COL11A1: variants seen among roughly 807,000 people sequenced by gnomAD.
COL11A1 encodes the protein collagen alpha-1(XI) chain.
Under a neutral mutation model 265.2 loss-of-function variants are expected in COL11A1, and 74 were observed. The observed-to-expected ratio is 0.28, with a 90% confidence interval of 0.23 to 0.34. COL11A1 has a LOEUF of 0.34. Ranked by LOEUF, COL11A1 falls within the 10% of genes least tolerant of loss-of-function variation. COL11A1 has a pLI of 1.00. For synonymous variants in COL11A1, 816 were observed against 727.6 expected (o/e 1.12, Z -1.96); for missense variants, 2,165 against 2,263.6 (o/e 0.96, Z 0.88).
chr1:103,035,684 CAGA>C (rs1195757344), intron 4 of COL11A1, among the ~76,000 whole-genome samples: 1 of 151,864 alleles, frequency 6.6e-6, no homozygotes, highest in Non-Finnish European at 1.5e-5. Context: ...TAACATAAAG[CAGA>C]AGTAGAAAAT....
rs573983365 is a variant in COL11A1 at position 102,931,927 on chromosome 1, T to C, written c.3600+2522A>G. ...CTAGGATTGCAAGCCCTGCCTTTTT[T>C]TGTTTTCCATTTGCTTGGTAGATCT... On this transcript the variant is annotated intron_variant, in intron 46 of 66. Transcript: ENST00000370096. Among the ~76,000 whole-genome samples, 96 of 151,624 alleles carry C rather than the reference T, an allele frequency of 6.3e-4. 1 individual carries two copies. Among genetic ancestry groups the C allele is most frequent in the African/African-American group, 2.3e-3 (95 of 41,262 alleles).
chr1:103,012,012 T>C (rs1388178183), intron 14 of COL11A1, among the ~76,000 whole-genome samples: 1 of 152,156 alleles, frequency 6.6e-6, no homozygotes, highest in Non-Finnish European at 1.5e-5. Context: ...TGCCCTAAGA[T>C]TGTGTCATAA....
intron 41 of COL11A1, among the ~76,000 whole-genome samples, chr1:102,949,235 G>T (rs1288456500): frequency 6.7e-6 from 1 of 150,092 alleles, no homozygotes; most frequent in Non-Finnish European, 1.5e-5. Flanking sequence ...GAGGATCAAT[G>T]TACATATAAG....
At chr1:102,920,442 C>T in intron 48 of COL11A1, 78 bp from the exon 49 acceptor site, 2 of 1,269,244 alleles carry the variant, frequency 1.6e-6, no homozygotes, top group Non-Finnish European at 2.3e-6. Context: ...TCTAGTTGTT[C>T]TCAAAAAAGA....
intron 57 of COL11A1, among the ~76,000 whole-genome samples, chr1:102,892,247 C>T (rs1651868761): frequency 6.6e-6 from 1 of 152,104 alleles, no homozygotes. Context: ...GGCTCTATGA[C>T]AGCAAATTGT....
chr1:102,993,073 A>G (rs1664292509), intron 28 of COL11A1, among the ~76,000 whole-genome samples: 2 of 152,154 alleles, frequency 1.3e-5, no homozygotes, highest in Non-Finnish European at 2.9e-5. Context: ...TCAGCAGTTA[A>G]CAACATCCCC....
intron 28 of COL11A1, among the ~76,000 whole-genome samples, chr1:102,995,004 C>T (rs1194325666): frequency 6.6e-6 from 1 of 151,994 alleles, no homozygotes; most frequent in Non-Finnish European, 1.5e-5. Flanking sequence ...TTGTTAAGAA[C>T]ACACTCACTA....
At chr1:102,951,797 T>C (rs568839740) in intron 41 of COL11A1, among the ~76,000 whole-genome samples, 6 of 152,056 alleles carry the variant, frequency 3.9e-5, no homozygotes, top group South Asian at 4.2e-4. Flanking sequence ...TGTACACACA[T>C]GTAGTCAAGA....
At chr1:103,025,727 T>C in intron 6 of COL11A1, 114 bp from the exon 7 acceptor site, 1 of 1,589,756 alleles carries the variant, frequency 6.3e-7, no homozygotes, top group Non-Finnish European at 8.6e-7. Context: ...TCTAGTTGGG[T>C]TAAGACTATG....
intron 4 of COL11A1, among the ~76,000 whole-genome samples, chr1:103,055,691 T>C (rs1670189430): frequency 6.6e-6 from 1 of 152,224 alleles, no homozygotes; most frequent in African/African-American, 2.4e-5. Context: ...GCTTTGAATG[T>C]GGCCCAAAAC....
At chr1:103,065,242 C>T (rs1238112141) in intron 4 of COL11A1, among the ~76,000 whole-genome samples, 6 of 152,056 alleles carry the variant, frequency 3.9e-5, no homozygotes, top group South Asian at 4.1e-4. Flanking sequence ...AGCAATTGGC[C>T]GGGCACGGTG....
At chr1:103,101,741 G>GAA (rs113936585) in intron 1 of COL11A1, among the ~76,000 whole-genome samples, 10 of 139,730 alleles carry the variant, frequency 7.2e-5, no homozygotes, top group Non-Finnish European at 1.4e-4. Context: ...TGCTTTTTAA[G>GAA]AAAAAAAAAA....
At chr1:102,962,986 CATAA>C (rs764867213) in intron 38 of COL11A1, among the ~76,000 whole-genome samples, 5 of 152,130 alleles carry the variant, frequency 3.3e-5, no homozygotes, top group African/African-American at 7.2e-5. Context: ...AAGGAAAGTA[CATAA>C]ATAAAGTCCA....
intron 46 of COL11A1, among the ~76,000 whole-genome samples, chr1:102,927,651 A>C (rs1656770207): frequency 7.3e-6 from 1 of 137,530 alleles, no homozygotes; most frequent in South Asian, 2.2e-4. Flanking sequence ...TCAAAAAAAC[A>C]AAAAAAAAAC....
intron 1 of COL11A1, among the ~76,000 whole-genome samples, chr1:103,107,224 G>A (rs1272412106): frequency 6.6e-6 from 1 of 151,914 alleles, no homozygotes; most frequent in Admixed American, 6.6e-5. Flanking sequence ...AATATTTGGT[G>A]GTGCCACGTA....
At chr1:102,992,089 T>C (rs1485172756) in intron 28 of COL11A1, among the ~76,000 whole-genome samples, 1 of 152,136 alleles carries the variant, frequency 6.6e-6, no homozygotes, top group East Asian at 1.9e-4. Context: ...CAGAATTTTA[T>C]TTTTAAATTA....
At chr1:103,088,035 C>T (rs1673016410) in intron 1 of COL11A1, among the ~76,000 whole-genome samples, 1 of 152,146 alleles carries the variant, frequency 6.6e-6, no homozygotes, top group Admixed American at 6.5e-5. Context: ...AACACCACCA[C>T]CCTTTCACTG....
Position 103,108,448 on chromosome 1 carries a change from G to C in COL11A1, c.-270C>G. On this transcript the variant is annotated 5_prime_UTR_variant, in exon 1 of 67. Transcript: ENST00000370096. ...CTTCCTCTGCCGGGCCCTGCCTTCA[G>C]AATGAAGGCAGATGAGGGGCTTCCA... is the stretch of plus-strand genomic sequence containing the variant. 2 of 600,474 alleles carry C rather than the reference G, an allele frequency of 3.3e-6. No homozygotes were observed. Among genetic ancestry groups the C allele is most frequent in the Non-Finnish European group, 5.9e-6 (2 of 338,282 alleles). The allele number at this position is 600,474 out of a possible 1,614,324, so 37.2% of individuals were successfully genotyped here.
chr1:102,956,757 T>C (rs1660407978), intron 41 of COL11A1, among the ~76,000 whole-genome samples: 1 of 151,842 alleles, frequency 6.6e-6, no homozygotes, highest in Non-Finnish European at 1.5e-5. Flanking sequence ...TGATAGTAAG[T>C]TGTGTTCAAA....
Sources: allele counts gnomAD v4.1 joint callset (sites outside exome capture counted in the v4.1 genomes callset), GRCh38; gene constraint gnomAD v4.1.1; transcripts MANE v1.5; gene names NCBI Gene and HGNC (gene_info 2026-07-23, HGNC 2026-07-21).